ZNF892: variants seen among roughly 807,000 people sequenced by gnomAD.
The protein encoded by ZNF892 is zinc finger protein 570-like.
At chr2:95,231,171 C>T in the ZNF892 span, among the ~76,000 whole-genome samples, 1 of 152,164 alleles carries the variant, frequency 6.6e-6, no homozygotes. Flanking sequence ...CTGGAAACAG[C>T]CCAAATGTCC....
At chr2:95,225,342 T>G in the ZNF892 span, among the ~76,000 whole-genome samples, 1 of 152,140 alleles carries the variant, frequency 6.6e-6, no homozygotes, top group Non-Finnish European at 1.5e-5. Flanking sequence ...GGTGGAAAAT[T>G]TATTGCCTCA....
the ZNF892 span, among the ~76,000 whole-genome samples, chr2:95,252,513 C>T: frequency 7.9e-5 from 12 of 152,118 alleles, no homozygotes; most frequent in Non-Finnish European, 1.8e-4. Context: ...GGTTCCAAGT[C>T]TTTGCTATTG....
chr2:95,247,386 A>T, the ZNF892 span, among the ~76,000 whole-genome samples: 13 of 152,228 alleles, frequency 8.5e-5, no homozygotes, highest in Non-Finnish European at 1.5e-4. Context: ...TACATGTAAG[A>T]CCTCAAAGTA....
the ZNF892 span, among the ~76,000 whole-genome samples, chr2:95,248,785 G>T: frequency 6.6e-6 from 1 of 151,980 alleles, no homozygotes; most frequent in Non-Finnish European, 1.5e-5. Context: ...CAGAACTTCT[G>T]CAACTTTCTA....
At chr2:95,228,316 G>C in the ZNF892 span, among the ~76,000 whole-genome samples, 2 of 152,200 alleles carry the variant, frequency 1.3e-5, no homozygotes, top group African/African-American at 4.8e-5. Flanking sequence ...TGTAATTTCA[G>C]CTATTCAGGA....
the ZNF892 span, among the ~76,000 whole-genome samples, chr2:95,225,326 T>G: frequency 6.6e-6 from 1 of 152,226 alleles, no homozygotes. Flanking sequence ...GATGGTAGTT[T>G]ATAAGGGTGG....
chr2:95,220,465 T>C, the ZNF892 span, among the ~76,000 whole-genome samples: 1 of 152,120 alleles, frequency 6.6e-6, no homozygotes, highest in African/African-American at 2.4e-5. Context: ...GCTGTGTTCT[T>C]CCTCAGGTTC....
At chr2:95,216,153 T>A in the ZNF892 span, among the ~76,000 whole-genome samples, 1 of 152,178 alleles carries the variant, frequency 6.6e-6, no homozygotes, top group Non-Finnish European at 1.5e-5. Context: ...TTATGAGAAC[T>A]ACTCAACTGA....
the ZNF892 span, among the ~76,000 whole-genome samples, chr2:95,253,855 G>A: frequency 2.6e-5 from 4 of 152,264 alleles, no homozygotes; most frequent in Middle Eastern, 6.8e-3. Context: ...AATTGTGAAT[G>A]GGAGTTCACT....
chr2:95,245,461 G>C, the ZNF892 span, among the ~76,000 whole-genome samples: 2 of 11,564 alleles, frequency 1.7e-4, no homozygotes, highest in Non-Finnish European at 3.2e-4. Flanking sequence ...GGGGGGGGGG[G>C]GGTTTCACCA....
At chr2:95,255,876 T>G in the ZNF892 span, among the ~76,000 whole-genome samples, 1,155 of 152,200 alleles carry the variant, frequency 7.6e-3, 15 homozygotes, top group African/African-American at 0.027. Flanking sequence ...TTTAAAGTCT[T>G]TTTTATCAGA....
At chr2:95,234,803 A>C in the ZNF892 span, among the ~76,000 whole-genome samples, 3 of 152,272 alleles carry the variant, frequency 2.0e-5, no homozygotes, top group African/African-American at 7.2e-5. Flanking sequence ...ACTGGTAAAC[A>C]GAAGTGTTTC....
the ZNF892 span, among the ~76,000 whole-genome samples, chr2:95,261,134 C>T: frequency 6.6e-6 from 1 of 152,144 alleles, no homozygotes; most frequent in Non-Finnish European, 1.5e-5. Context: ...AGACTCATGA[C>T]AACCCAGAAG....
the ZNF892 span, among the ~76,000 whole-genome samples, chr2:95,223,993 T>G: frequency 6.6e-6 from 1 of 152,194 alleles, no homozygotes; most frequent in Non-Finnish European, 1.5e-5. Context: ...CCTATGAAAG[T>G]GGCCCCAAAC....
chr2:95,211,732 TCCCCCAA>T, the ZNF892 span: 1 of 398,476 alleles, frequency 2.5e-6, no homozygotes, highest in African/African-American at 2.1e-5. Context: ...TAAGGATGGC[TCCCCCAA>T]TGCCTGTGAA....
At chr2:95,236,394 T>C in the ZNF892 span, among the ~76,000 whole-genome samples, 1 of 152,234 alleles carries the variant, frequency 6.6e-6, no homozygotes, top group Admixed American at 6.5e-5. Flanking sequence ...AGAGTTTCCT[T>C]AAATATGGTA....
At chr2:95,236,707 A>G in the ZNF892 span, among the ~76,000 whole-genome samples, 9 of 152,238 alleles carry the variant, frequency 5.9e-5, no homozygotes, top group Non-Finnish European at 1.2e-4. Flanking sequence ...GGAAAGCATC[A>G]GAGTATAACA....
the ZNF892 span, among the ~76,000 whole-genome samples, chr2:95,248,176 T>G: frequency 2.6e-5 from 4 of 152,172 alleles, no homozygotes; most frequent in African/African-American, 9.7e-5. Context: ...TAAAATTATG[T>G]CCTTCGCAGC....
the ZNF892 span, among the ~76,000 whole-genome samples, chr2:95,240,817 G>A: frequency 2.0e-5 from 3 of 152,244 alleles, no homozygotes; most frequent in South Asian, 6.2e-4. Context: ...CAACTCAGCC[G>A]TTCCAGCCTG....
Sources: allele counts gnomAD v4.1 joint callset (sites outside exome capture counted in the v4.1 genomes callset), GRCh38; gene constraint gnomAD v4.1.1; transcripts MANE v1.5; gene names NCBI Gene and HGNC (gene_info 2026-07-23, HGNC 2026-07-21).